BLK: variants seen among roughly 807,000 people sequenced by gnomAD.
BLK encodes BLK proto-oncogene, Src family tyrosine kinase.
BLK carries 64 observed loss-of-function variants against 61.8 expected under a neutral mutation model. The ratio of observed to expected loss-of-function variants is 1.03; its 90% CI spans 0.85 to 1.27. The LOEUF (loss-of-function observed/expected upper bound fraction) is 1.27. Ranked by LOEUF, BLK falls within the 50% of genes most tolerant of loss-of-function variation. The probability of loss-of-function intolerance (pLI) is 0.00; values close to 1 mark genes in which losing one functional copy is unlikely to be tolerated. For synonymous variants in BLK, 351 were observed against 272.0 expected (o/e 1.29, Z -2.86); for missense variants, 853 against 660.5 (o/e 1.29, Z -3.19).
chr8:11,537,730 T>A (rs1368180122), intron 1 of BLK, among the ~76,000 whole-genome samples: 1 of 152,186 alleles, frequency 6.6e-6, no homozygotes, highest in Non-Finnish European at 1.5e-5. Flanking sequence ...GGCTAACATG[T>A]ATTAGAAAAA....
At chr8:11,508,985 G>T (rs745815661) in intron 1 of BLK, among the ~76,000 whole-genome samples, 40 of 152,324 alleles carry the variant, frequency 2.6e-4, no homozygotes, top group Non-Finnish European at 5.1e-4. Flanking sequence ...AGGCAAGGGA[G>T]GTCGTTAGCA....
At chr8:11,502,174 T>C (rs1798588198) in intron 1 of BLK, among the ~76,000 whole-genome samples, 1 of 152,242 alleles carries the variant, frequency 6.6e-6, no homozygotes. Context: ...GCAGTAAAAA[T>C]AATCAGGAAG....
chr8:11,539,663 G>A (rs763053725), intron 1 of BLK, among the ~76,000 whole-genome samples: 14 of 152,040 alleles, frequency 9.2e-5, no homozygotes, highest in Non-Finnish European at 1.8e-4. Context: ...TTCATGTTTT[G>A]TCTAATAAAT....
At position 11,540,121 on chromosome 8, in the gene BLK, G is replaced by C. The variant is rs372617668; in HGVS notation, c.-1-3103G>C. ...GTTAGTAGTTGTCTCCAAACTCTGG[G>C]TTATATACACAGTTTCTTACATTTC... On this transcript the variant is annotated intron_variant, in intron 1 of 12. Coordinates refer to ENST00000259089, the MANE Select transcript of BLK (RefSeq NM_001715.3). 2.6e-5 allele frequency among the ~76,000 whole-genome samples: 4 copies of C among 152,016 alleles called. 1 individual carries two copies. Among genetic ancestry groups the C allele is most frequent in the South Asian group, 4.2e-4 (2 of 4,812 alleles).
chr8:11,525,049 T>C (rs1400956257), intron 1 of BLK, among the ~76,000 whole-genome samples: 1 of 152,188 alleles, frequency 6.6e-6, no homozygotes, highest in Non-Finnish European at 1.5e-5. Flanking sequence ...AGCAAATTGA[T>C]GGTGTGAAGG....
chr8:11,532,471 A>G (rs2618435), intron 1 of BLK, among the ~76,000 whole-genome samples: 87,371 of 150,994 alleles, frequency 0.58, 26,078 homozygotes, highest in Non-Finnish European at 0.65. Flanking sequence ...TTGGCCTCCT[A>G]AAGTGCTGGG....
intron 1 of BLK, among the ~76,000 whole-genome samples, chr8:11,523,397 G>T (rs549364119): frequency 2.8e-3 from 429 of 152,030 alleles, no homozygotes; most frequent in Non-Finnish European, 4.9e-3. Context: ...CTACTAAAAA[G>T]ACAAAAATTA....
intron 1 of BLK, among the ~76,000 whole-genome samples, chr8:11,521,955 C>G (rs533005917): frequency 1.3e-5 from 2 of 152,276 alleles, no homozygotes; most frequent in South Asian, 4.1e-4. Context: ...TAAAGTTCCT[C>G]AAAAACACCC....
chr8:11,531,856 GTTGT>G (rs948384316), intron 1 of BLK, among the ~76,000 whole-genome samples: 2 of 152,016 alleles, frequency 1.3e-5, no homozygotes, highest in Non-Finnish European at 2.9e-5. Flanking sequence ...TAGAGTTTTG[GTTGT>G]TTGTTTGTTT....
chr8:11,559,396 G>GAC (rs145806791), intron 10 of BLK, among the ~76,000 whole-genome samples: 22,043 of 149,808 alleles, frequency 0.15, 1,693 homozygotes, highest in African/African-American at 0.19. Flanking sequence ...CACACAGACA[G>GAC]ACACACACAC....
intron 6 of BLK, 31 bp downstream of exon 6, chr8:11,550,293 G>A (rs769179080): frequency 6.2e-7 from 1 of 1,603,950 alleles, no homozygotes; most frequent in South Asian, 1.1e-5. Flanking sequence ...TGCCTTCCTT[G>A]CCCTGCTCCT....
At chr8:11,561,142 A>T in intron 10 of BLK, 160 bp from the exon 11 acceptor site, 1 of 1,034,596 alleles carries the variant, frequency 9.7e-7, no homozygotes, top group East Asian at 2.6e-5. Context: ...CTAGGAGAGG[A>T]GTTTATTCGG....
chr8:11,515,240 C>T (rs781211858), intron 1 of BLK, among the ~76,000 whole-genome samples: 24 of 152,134 alleles, frequency 1.6e-4, no homozygotes, highest in East Asian at 3.9e-4. Context: ...GAAGTACAGG[C>T]GGTCTGGGCT....
intron 1 of BLK, 134 bp downstream of exon 1, chr8:11,494,725 G>A (rs999429956): frequency 6.6e-6 from 1 of 152,276 alleles, no homozygotes; most frequent in Non-Finnish European, 1.5e-5. Context: ...GGCATGAATG[G>A]ATCGCTGCCT....
At chr8:11,556,360 G>A in intron 8 of BLK, 1 of 453,344 alleles carries the variant, frequency 2.2e-6, no homozygotes, top group South Asian at 2.1e-5. Context: ...ATGTAGGGGA[G>A]GGGTGGGGGA....
At chr8:11,558,780 TTGGTC>T (rs1426564844) in intron 10 of BLK, 3 of 456,128 alleles carry the variant, frequency 6.6e-6, no homozygotes, top group Non-Finnish European at 1.3e-5. Context: ...CAGAAAAGTT[TTGGTC>T]TGTGGTCAGC....
intron 1 of BLK, among the ~76,000 whole-genome samples, chr8:11,497,941 C>G (rs761186690): frequency 2.6e-5 from 4 of 152,214 alleles, no homozygotes; most frequent in Non-Finnish European, 4.4e-5. Flanking sequence ...CACCCACTCT[C>G]AAGCACAGAC....
intron 10 of BLK, chr8:11,559,911 G>A (rs537658115): frequency 2.2e-6 from 1 of 449,342 alleles, no homozygotes; most frequent in Non-Finnish European, 4.5e-6. Context: ...TTGCTCAGCA[G>A]ATCTGGGCAG....
intron 1 of BLK, among the ~76,000 whole-genome samples, chr8:11,500,063 T>C (rs182823430): frequency 3.0e-4 from 45 of 152,314 alleles, no homozygotes; most frequent in Non-Finnish European, 5.6e-4. Context: ...GTTCCCTATC[T>C]GTGTACAAAA....
Sources: allele counts gnomAD v4.1 joint callset (sites outside exome capture counted in the v4.1 genomes callset), GRCh38; gene constraint gnomAD v4.1.1; transcripts MANE v1.5; gene names NCBI Gene and HGNC (gene_info 2026-07-23, HGNC 2026-07-21).